SLC24A2: variants seen among roughly 807,000 people sequenced by gnomAD.
The protein encoded by SLC24A2 is solute carrier family 24 member 2, also known as sodium/potassium/calcium exchanger 2.
Under a neutral mutation model 62.0 loss-of-function variants are expected in SLC24A2, and 36 were observed. The ratio of observed to expected loss-of-function variants is 0.58; its 90% CI spans 0.44 to 0.77. The LOEUF (loss-of-function observed/expected upper bound fraction) is 0.77, where lower values mean the gene tolerates loss of function less well. Ranked by LOEUF, SLC24A2 falls within the 30% of genes least tolerant of loss-of-function variation. SLC24A2 has a pLI of 0.00. For synonymous variants in SLC24A2, 358 were observed against 294.0 expected (o/e 1.22, Z -2.23); for missense variants, 846 against 817.9 (o/e 1.03, Z -0.42).
At chr9:20,045,029 C>G in the SLC24A2 span, among the ~76,000 whole-genome samples, 1 of 152,194 alleles carries the variant, frequency 6.6e-6, no homozygotes, top group East Asian at 1.9e-4. Flanking sequence ...AGCACAGTGT[C>G]TGGTATAAAG....
intron 4 of SLC24A2, among the ~76,000 whole-genome samples, chr9:19,609,821 G>C (rs1030215030): frequency 6.6e-6 from 1 of 152,186 alleles, no homozygotes; most frequent in Admixed American, 6.5e-5. Flanking sequence ...GGATGAAACT[G>C]TTCCACTTCA....
the SLC24A2 span, chr9:19,929,096 G>C: frequency 1.3e-5 from 2 of 152,146 alleles, no homozygotes; most frequent in Admixed American, 6.5e-5. Context: ...GTTGGGTATC[G>C]CTTTGTCTGG....
the SLC24A2 span, among the ~76,000 whole-genome samples, chr9:19,995,231 T>A: frequency 6.6e-6 from 1 of 152,194 alleles, no homozygotes; most frequent in African/African-American, 2.4e-5. Flanking sequence ...GACTTAAAAA[T>A]CATATCTCAA....
At position 19,533,173 on chromosome 9, in the gene SLC24A2, A is replaced by G. The variant is rs183393804; in HGVS notation, c.1480-5035T>C. 1.2e-3 allele frequency among the ~76,000 whole-genome samples: 183 copies of G among 152,292 alleles called. 1 individual carries two copies. The highest frequency in any genetic ancestry group is 4.1e-3 in the African/African-American group (172 of 41,562). ...TGAAACTATAAGTATACATGAAAAA[A>G]TCATGTTTTCCTTGTAATTACTGTC... On this transcript the variant is annotated intron_variant, in intron 8 of 10. Transcript: ENST00000341998.
the SLC24A2 span, among the ~76,000 whole-genome samples, chr9:19,887,666 G>A: frequency 6.6e-6 from 1 of 152,130 alleles, no homozygotes; most frequent in Admixed American, 6.6e-5. Flanking sequence ...AACTAAAAGT[G>A]GAACTACCAT....
chr9:19,668,896 T>C (rs1346301582), intron 2 of SLC24A2, among the ~76,000 whole-genome samples: 1 of 152,196 alleles, frequency 6.6e-6, no homozygotes, highest in Non-Finnish European at 1.5e-5. Context: ...GTGTTATGTA[T>C]ATAAAAGTAC....
chr9:20,279,317 G>T, the SLC24A2 span, among the ~76,000 whole-genome samples: 6 of 152,292 alleles, frequency 3.9e-5, no homozygotes, highest in African/African-American at 1.4e-4. Flanking sequence ...GATCACCTGA[G>T]GTCAGGAGTT....
intron 2 of SLC24A2, among the ~76,000 whole-genome samples, chr9:19,624,449 C>T (rs1360999178): frequency 6.6e-6 from 1 of 152,068 alleles, no homozygotes; most frequent in African/African-American, 2.4e-5. Context: ...AAAATCCAAA[C>T]CTGTCTTTTG....
chr9:19,548,278 T>C (rs1586937077), intron 8 of SLC24A2, among the ~76,000 whole-genome samples: 3 of 151,862 alleles, frequency 2.0e-5, no homozygotes, highest in African/African-American at 7.2e-5. Flanking sequence ...TTTTAAATGA[T>C]TTTTTTTTCT....
At chr9:19,854,384 T>G in the SLC24A2 span, among the ~76,000 whole-genome samples, 1 of 151,966 alleles carries the variant, frequency 6.6e-6, no homozygotes, top group Non-Finnish European at 1.5e-5. Context: ...AGTTGTGATG[T>G]TAGGATGTCA....
the SLC24A2 span, among the ~76,000 whole-genome samples, chr9:20,038,507 A>G: frequency 6.6e-6 from 1 of 152,172 alleles, no homozygotes; most frequent in African/African-American, 2.4e-5. Context: ...TGACCCTACG[A>G]ATAAAAACTC....
chr9:19,781,913 A>G (rs1467846829), intron 2 of SLC24A2, among the ~76,000 whole-genome samples: 2 of 152,244 alleles, frequency 1.3e-5, no homozygotes, highest in East Asian at 1.9e-4. Context: ...AAGAATGTTT[A>G]TAATAATTTT....
chr9:20,126,031 C>G, the SLC24A2 span, among the ~76,000 whole-genome samples: 1 of 152,152 alleles, frequency 6.6e-6, no homozygotes. Flanking sequence ...GAAGTCAAAA[C>G]CAGGCACTGT....
upstream of SLC24A2, among the ~76,000 whole-genome samples, chr9:19,790,320 T>C (rs969594843): frequency 4.6e-5 from 7 of 152,178 alleles, no homozygotes; most frequent in African/African-American, 1.7e-4. Flanking sequence ...CATAACCAGC[T>C]TGAACAATTA....
the SLC24A2 span, among the ~76,000 whole-genome samples, chr9:20,179,980 C>T: frequency 2.6e-5 from 4 of 152,216 alleles, no homozygotes; most frequent in East Asian, 7.7e-4. Context: ...AACCAGTAAC[C>T]AACACAGTAT....
At chr9:19,795,765 A>G in the SLC24A2 span, among the ~76,000 whole-genome samples, 1 of 151,958 alleles carries the variant, frequency 6.6e-6, no homozygotes, top group East Asian at 1.9e-4. Flanking sequence ...CATTCTTCCC[A>G]TATAGTTATA....
At chr9:19,965,997 C>T in the SLC24A2 span, among the ~76,000 whole-genome samples, 2 of 152,168 alleles carry the variant, frequency 1.3e-5, no homozygotes, top group South Asian at 4.1e-4. Flanking sequence ...ATTATATTCC[C>T]TGTTCTCTTT....
At chr9:20,128,130 A>C in the SLC24A2 span, among the ~76,000 whole-genome samples, 1 of 152,140 alleles carries the variant, frequency 6.6e-6, no homozygotes, top group African/African-American at 2.4e-5. Context: ...GGTCCAAGTC[A>C]GCTGCTTAAG....
At chr9:19,743,537 T>C (rs575746920) in intron 2 of SLC24A2, among the ~76,000 whole-genome samples, 8 of 152,118 alleles carry the variant, frequency 5.3e-5, no homozygotes, top group African/African-American at 1.9e-4. Flanking sequence ...GGCAGAGGAG[T>C]GTAGCCCAGA....
Sources: gnomAD v4.1 joint callset for allele counts (sites outside exome capture counted in the v4.1 genomes callset) on GRCh38, gnomAD v4.1.1 for gene constraint, MANE v1.5 for transcripts, NCBI Gene and HGNC (gene_info 2026-07-23, HGNC 2026-07-21) for gene names.